The following ATP2B2 variants were observed in gnomAD, a reference collection of about 807,000 sequenced individuals.
ATP2B2 encodes the protein plasma membrane calcium-transporting ATPase 2.
ATP2B2 carries 15 observed loss-of-function variants against 120.0 expected under a neutral mutation model. The observed-to-expected ratio is 0.12, with a 90% CI of 0.08 to 0.19. The LOEUF (loss-of-function observed/expected upper bound fraction) is 0.19. ATP2B2 is among the 10% of genes least tolerant of loss of function. ATP2B2 has a pLI of 1.00. For synonymous variants in ATP2B2, 694 were observed against 700.3 expected, an observed-to-expected ratio of 0.99 and a Z score of 0.14; for missense variants, 1,045 against 1,719.8, an observed-to-expected ratio of 0.61 and a Z score of 6.94.
At position 10,342,566 on chromosome 3, in the gene ATP2B2, A is replaced by G. The variant is rs891788393; in HGVS notation, c.2917+186T>C. The stretch of plus-strand genomic sequence containing the variant: ...CTTTAGGGTTAGCCAGAGCTGGGAC[A>G]GGGCCAGGCCCTGTTCAAGACTTGC... On this transcript the variant is annotated intron_variant, in intron 19 of 22. Coordinates refer to ENST00000360273, the MANE Select transcript of ATP2B2 (RefSeq NM_001001331.4). This position sits in a 1 kb window ranked among gnomAD's most constrained non-coding sequence, Gnocchi z 4.4. Among the ~76,000 whole-genome samples the G allele has an allele frequency of 6.6e-6, 1 of 152,124 alleles. No homozygotes were observed. The highest frequency in any genetic ancestry group is 2.4e-5 in the African/African-American group (1 of 41,432).
At chr3:10,408,166 T>G (rs997458056) in intron 3 of ATP2B2, among the ~76,000 whole-genome samples, 3 of 152,172 alleles carry the variant, frequency 2.0e-5, no homozygotes, top group African/African-American at 7.2e-5. Context: ...GAAATGGGTG[T>G]GAGGGTTCAC....
intron 2 of ATP2B2, among the ~76,000 whole-genome samples, chr3:10,423,547 C>T (rs979100830): frequency 6.6e-6 from 1 of 152,228 alleles, no homozygotes; most frequent in Non-Finnish European, 1.5e-5. Context: ...TCTGGTTCAG[C>T]ATGCCCAGAG....
intron 1 of ATP2B2, among the ~76,000 whole-genome samples, chr3:10,631,851 C>A (rs2069874603): frequency 6.6e-6 from 1 of 152,226 alleles, no homozygotes; most frequent in Non-Finnish European, 1.5e-5. Context: ...TAGCTTGCTG[C>A]TAATTTCCCA....
In ATP2B2 at chr3:10,596,993, GCACACGCACACAGGCA is replaced by G. The variant is rs367641714; in HGVS notation, c.-415+22908_-415+22923del. On this transcript the variant is annotated intron_variant, in intron 2 of 21. Coordinates refer to the ATP2B2 transcript ENST00000646379. Reference sequence around the variant, plus strand: ...CACACAGGCACACGCACACGCAGGTGCACACGCACACAGGCACACACGCACACAGGCACACACCCAG... The same window carrying G: ...CACACAGGCACACGCACACGCAGGTGCACACGCACACAGGCACACACCCAG... Among the ~76,000 whole-genome samples, 564 of 147,898 alleles carry G rather than the reference GCACACGCACACAGGCA, an allele frequency of 3.8e-3. 3 individuals are homozygous for G. Among genetic ancestry groups the G allele is most frequent in the African/African-American group, 0.012 (487 of 39,892 alleles).
intron 2 of ATP2B2, among the ~76,000 whole-genome samples, chr3:10,542,904 G>A (rs753797139): frequency 9.9e-5 from 15 of 152,106 alleles, no homozygotes; most frequent in African/African-American, 2.2e-4. Flanking sequence ...TTTTTTGGCC[G>A]TTATTTCTTC....
intron 1 of ATP2B2, among the ~76,000 whole-genome samples, chr3:10,696,320 A>G (rs1211681063): frequency 2.6e-5 from 4 of 152,072 alleles, no homozygotes; most frequent in South Asian, 2.1e-4. Flanking sequence ...GGGAAATTCA[A>G]TTTCAGTCTT....
intron 2 of ATP2B2, among the ~76,000 whole-genome samples, chr3:10,421,839 A>C (rs956955521): frequency 1.3e-5 from 2 of 152,136 alleles, no homozygotes; most frequent in Non-Finnish European, 2.9e-5. Context: ...AGGATGCCCA[A>C]CCCTCTGTCG....
At chr3:10,360,941 G>A (rs1451150864) in intron 12 of ATP2B2, among the ~76,000 whole-genome samples, 4 of 152,048 alleles carry the variant, frequency 2.6e-5, no homozygotes, top group Admixed American at 2.6e-4. Context: ...CCTGGCCATG[G>A]CAACCACTAA....
At position 10,327,113 on chromosome 3, in the gene ATP2B2, A is replaced by G. The variant is rs1228354071; in HGVS notation, c.*1701T>C. On this transcript the variant is annotated 3_prime_UTR_variant, in exon 23 of 23. Transcript: ENST00000360273. ...CAAAGCAAACTTTGTATTAAATACAAAAGTTCTTTTATGAAAAACGCTGAG... is the reference window on the plus strand; with the variant it reads ...CAAAGCAAACTTTGTATTAAATACAGAAGTTCTTTTATGAAAAACGCTGAG... 8 of 344,882 alleles carry G rather than the reference A, an allele frequency of 2.3e-5. No individual in the cohort carries two copies. Among genetic ancestry groups the G allele is most frequent in the Non-Finnish European group, 3.6e-5 (7 of 193,136 alleles). 21.4% of individuals were successfully genotyped at this position (344,882 alleles called of 1,614,324 possible). A position where few individuals can be genotyped will look rare whatever the true frequency, so the allele number is the denominator to read the frequency against.
chr3:10,453,054 C>A (rs1480399109), intron 1 of ATP2B2, among the ~76,000 whole-genome samples: 4 of 152,158 alleles, frequency 2.6e-5, no homozygotes, highest in Non-Finnish European at 1.5e-5. Context: ...ACATGATAAG[C>A]ATTTATTGAG....
intron 1 of ATP2B2, among the ~76,000 whole-genome samples, chr3:10,464,299 A>G (rs967837463): frequency 2.0e-5 from 3 of 152,190 alleles, no homozygotes; most frequent in African/African-American, 4.8e-5. Context: ...CTCACCAGCC[A>G]TCTGCGCGGG....
At chr3:10,675,940 G>A (rs2071229332) in intron 1 of ATP2B2, among the ~76,000 whole-genome samples, 1 of 152,188 alleles carries the variant, frequency 6.6e-6, no homozygotes, top group Admixed American at 6.5e-5. Flanking sequence ...CAAGCTGAGG[G>A]TTCATTCCCC....
chr3:10,610,120 CATAA>C (rs2069191376), intron 2 of ATP2B2, among the ~76,000 whole-genome samples: 2 of 132,954 alleles, frequency 1.5e-5, no homozygotes, highest in Admixed American at 1.6e-4. Context: ...CACATATATG[CATAA>C]ATATATATAT....
At chr3:10,498,585 C>A (rs1251706786) in intron 1 of ATP2B2, among the ~76,000 whole-genome samples, 1 of 152,236 alleles carries the variant, frequency 6.6e-6, no homozygotes, top group Non-Finnish European at 1.5e-5. Context: ...CAGATGACGC[C>A]CCCATGGCTC....
chr3:10,497,857 T>C (rs552947552), intron 1 of ATP2B2, among the ~76,000 whole-genome samples: 1 of 152,292 alleles, frequency 6.6e-6, no homozygotes, highest in African/African-American at 2.4e-5. Flanking sequence ...AGGTGTTCTT[T>C]TGCTGATTGT....
chr3:10,501,314 C>G (rs1055791868), intron 1 of ATP2B2, among the ~76,000 whole-genome samples: 1 of 152,146 alleles, frequency 6.6e-6, no homozygotes, highest in Admixed American at 6.5e-5. Flanking sequence ...GAAGCCGAAG[C>G]CACACTGCCC....
chr3:10,675,752 C>T (rs1467710844), intron 1 of ATP2B2, among the ~76,000 whole-genome samples: 1 of 152,196 alleles, frequency 6.6e-6, no homozygotes, highest in Non-Finnish European at 1.5e-5. Flanking sequence ...GGCCTGTCTT[C>T]CTCCTCCCTG....
chr3:10,589,498 A>G (rs924843327), intron 2 of ATP2B2, among the ~76,000 whole-genome samples: 1 of 152,210 alleles, frequency 6.6e-6, no homozygotes, highest in Non-Finnish European at 1.5e-5. Context: ...CGATGCAAGT[A>G]TATGTTAATG....
Position 10,375,203 on chromosome 3 carries a change from C to T in ATP2B2, c.1416+227G>A, listed in dbSNP as rs1271196989. Among the ~76,000 whole-genome samples the T allele has an allele frequency of 6.6e-6, 1 of 152,216 alleles. No individual in the cohort carries two copies. Among genetic ancestry groups the T allele is most frequent in the Non-Finnish European group, 1.5e-5 (1 of 68,042 alleles). On this transcript the variant is annotated intron_variant, in intron 11 of 22. Coordinates refer to ENST00000360273, the MANE Select transcript of ATP2B2 (RefSeq NM_001001331.4). This position sits in a 1 kb window ranked among gnomAD's most constrained non-coding sequence, Gnocchi z 4.2. ...GGCGGCGTGTGGCTGGGCTGAATAA[C>T]AGCTGCCTCTTCAGCCAGGGTATGG... is the stretch of plus-strand genomic sequence containing the variant.
Sources: allele counts gnomAD v4.1 joint callset (sites outside exome capture counted in the v4.1 genomes callset), GRCh38; gene constraint gnomAD v4.1.1; non-coding constraint Gnocchi (gnomAD v3.1); transcripts MANE v1.5; gene names NCBI Gene and HGNC (gene_info 2026-07-23, HGNC 2026-07-21).